The following CHL1 variants were observed in gnomAD, a reference collection of about 807,000 sequenced individuals.
The protein encoded by CHL1 is cell adhesion molecule L1 like, also known as neural cell adhesion molecule L1-like protein.
In CHL1, 96 loss-of-function variants were observed where a neutral mutation model predicts 141.9. That is an observed-to-expected ratio of 0.68 (90% CI 0.57 to 0.80). The LOEUF is 0.80. CHL1 is among the 30% of genes least tolerant of loss of function. CHL1 has a pLI of 0.00. For missense variants in CHL1, 1,820 were observed against 1,457.2 expected, an observed-to-expected ratio of 1.25 and a Z score of -4.05; for synonymous variants, 613 against 502.2, an observed-to-expected ratio of 1.22 and a Z score of -2.95.
intron 1 of CHL1, chr3:198,136 G>C: frequency 4.5e-6 from 1 of 220,022 alleles, no homozygotes; most frequent in Admixed American, 5.4e-5. Context: ...CGCAGGGTGG[G>C]CGTTTGGGCT....
intron 2 of CHL1, 127 bp from the exon 3 acceptor site, chr3:319,556 G>C (rs964190333): frequency 2.1e-5 from 9 of 424,806 alleles, no homozygotes; most frequent in Non-Finnish European, 3.2e-5. Context: ...AGTTATGAGA[G>C]AACAGTTTCA....
chr3:384,051 A>G (rs1707375758), intron 19 of CHL1, among the ~76,000 whole-genome samples, 165 bp downstream of exon 19: 1 of 152,210 alleles, frequency 6.6e-6, no homozygotes, highest in African/African-American at 2.4e-5. Flanking sequence ...GATCATTGTG[A>G]TTAAAATGAT....
At chr3:362,416 A>G (rs1704354750) in intron 13 of CHL1, among the ~76,000 whole-genome samples, 1 of 152,138 alleles carries the variant, frequency 6.6e-6, no homozygotes, top group Non-Finnish European at 1.5e-5. Context: ...TATTGCCTTT[A>G]TTTTAAATCA....
chr3:302,407 G>C (rs1039091040), intron 2 of CHL1, among the ~76,000 whole-genome samples: 13 of 152,192 alleles, frequency 8.5e-5, no homozygotes, highest in African/African-American at 2.2e-4. Context: ...TCCAGCATCT[G>C]TTGTTTCCTG....
At chr3:279,555 T>C (rs1346046477) in intron 2 of CHL1, among the ~76,000 whole-genome samples, 1 of 152,258 alleles carries the variant, frequency 6.6e-6, no homozygotes, top group Non-Finnish European at 1.5e-5. Context: ...CTTTGAATTC[T>C]GGAGTAATCA....
intron 2 of CHL1, among the ~76,000 whole-genome samples, chr3:267,931 T>G (rs575850989): frequency 2.8e-4 from 42 of 152,320 alleles, no homozygotes; most frequent in African/African-American, 7.0e-4. Context: ...TTTTTAGCAA[T>G]GAGTTTGATC....
At chr3:209,322 A>C (rs181877173) in intron 1 of CHL1, among the ~76,000 whole-genome samples, 41 of 152,352 alleles carry the variant, frequency 2.7e-4, no homozygotes, top group African/African-American at 9.6e-4. Context: ...AAGACAAAAT[A>C]AGTTACATTT....
At chr3:399,635 C>G (rs560735158) in intron 26 of CHL1, among the ~76,000 whole-genome samples, 4 of 152,062 alleles carry the variant, frequency 2.6e-5, no homozygotes, top group Admixed American at 2.6e-4. Context: ...AGCAAAAACT[C>G]CATCTCAAAA....
chr3:353,994 G>A (rs1249408579), intron 10 of CHL1, among the ~76,000 whole-genome samples: 1 of 152,102 alleles, frequency 6.6e-6, no homozygotes, highest in Non-Finnish European at 1.5e-5. Context: ...TTACACTGGA[G>A]CATTAGGGCA....
At chr3:300,262 G>A (rs1698605419) in intron 2 of CHL1, among the ~76,000 whole-genome samples, 1 of 152,238 alleles carries the variant, frequency 6.6e-6, no homozygotes, top group Non-Finnish European at 1.5e-5. Flanking sequence ...GAAATTGCCA[G>A]AAAAAGAAAA....
intron 23 of CHL1, among the ~76,000 whole-genome samples, chr3:392,665 C>G (rs193166065): frequency 1.8e-3 from 275 of 152,330 alleles, no homozygotes; most frequent in Non-Finnish European, 3.4e-3. Context: ...ACCCAGCACA[C>G]ACTGCTTACT....
chr3:249,658 T>A (rs1043590018), intron 2 of CHL1, among the ~76,000 whole-genome samples: 5 of 152,182 alleles, frequency 3.3e-5, no homozygotes, highest in African/African-American at 1.2e-4. Flanking sequence ...AATGCATACA[T>A]TAAGATTCTC....
chr3:304,088 G>C (rs1291572348), intron 2 of CHL1, among the ~76,000 whole-genome samples: 1 of 152,154 alleles, frequency 6.6e-6, no homozygotes, highest in Non-Finnish European at 1.5e-5. Context: ...CTTCGTACCT[G>C]GTGGTAAGCT....
chr3:285,719 A>G lies in CHL1; in HGVS notation c.-94-33964A>G, dbSNP rs80133063. Reference sequence around the variant, plus strand: ...ATACTATGTATAATATGCACATTACATAGCTAATGCTCAATAAATCATAAC... The same window carrying G: ...ATACTATGTATAATATGCACATTACGTAGCTAATGCTCAATAAATCATAAC... On this transcript the variant is annotated intron_variant, in intron 2 of 27. Coordinates refer to ENST00000256509, the MANE Select transcript of CHL1 (RefSeq NM_006614.4). 4.1e-3 allele frequency among the ~76,000 whole-genome samples: 631 copies of G among 152,360 alleles called. 9 individuals carry two copies. Among genetic ancestry groups the G allele is most frequent in the African/African-American group, 0.014 (602 of 41,576 alleles).
chr3:306,223 G>C (rs1699216354), intron 2 of CHL1, among the ~76,000 whole-genome samples: 2 of 152,148 alleles, frequency 1.3e-5, no homozygotes, highest in Admixed American at 1.3e-4. Flanking sequence ...GCCATCGTTG[G>C]AGCAGAAGAT....
chr3:222,046 T>C (rs1437835355), intron 1 of CHL1, among the ~76,000 whole-genome samples: 1 of 152,196 alleles, frequency 6.6e-6, no homozygotes, highest in Non-Finnish European at 1.5e-5. Context: ...TAAAAAGAAG[T>C]ACAAAATATT....
At chr3:400,822 A>T (rs944933678) in intron 26 of CHL1, among the ~76,000 whole-genome samples, 1 of 151,748 alleles carries the variant, frequency 6.6e-6, no homozygotes, top group Non-Finnish European at 1.5e-5. Flanking sequence ...AATAAAATAA[A>T]ATGTCAGTGG....
chr3:252,963 G>C (rs4125616), intron 2 of CHL1, among the ~76,000 whole-genome samples: 43,686 of 151,594 alleles, frequency 0.29, 7,108 homozygotes, highest in African/African-American at 0.45. Flanking sequence ...ATATAGAAAT[G>C]AACATTAGCA....
chr3:307,911 T>A (rs890694783), intron 2 of CHL1, among the ~76,000 whole-genome samples: 1 of 152,240 alleles, frequency 6.6e-6, no homozygotes. Flanking sequence ...TATTTTAAAG[T>A]AAATTTCAGA....
Sources: allele counts gnomAD v4.1 joint callset (sites outside exome capture counted in the v4.1 genomes callset), GRCh38; gene constraint gnomAD v4.1.1; transcripts MANE v1.5; gene names NCBI Gene and HGNC (gene_info 2026-07-23, HGNC 2026-07-21).